DSC2: variants seen among roughly 807,000 people sequenced by gnomAD.
The protein encoded by DSC2 is desmocollin 2, also known as desmocollin-2.
Under a neutral mutation model 87.6 loss-of-function variants are expected in DSC2, and 51 were observed. The ratio of observed to expected loss-of-function variants is 0.58; its 90% confidence interval spans 0.46 to 0.74. DSC2 has a LOEUF of 0.74. Among genes scored for constraint, DSC2 ranks in the 30% least tolerant of loss-of-function variants. The pLI is 0.00. For synonymous variants in DSC2, 383 were observed against 393.2 expected, an observed-to-expected ratio of 0.97 and a Z score of 0.31; for missense variants, 1,066 against 1,089.5, an observed-to-expected ratio of 0.98 and a Z score of 0.30.
intron 9 of DSC2, among the ~76,000 whole-genome samples, 162 bp from the exon 10 acceptor site, chr18:31,080,514 C>T (rs142503302): frequency 8.6e-4 from 131 of 152,244 alleles, no homozygotes; most frequent in African/African-American, 2.7e-3. Flanking sequence ...GGCTCTGTGT[C>T]GCCACCCACA....
In DSC2 at chr18:31,068,174, A is replaced by G. The variant is rs781218250; in HGVS notation, c.2547T>C (p.His849=). 5 of 1,614,128 alleles carry G rather than the reference A, an allele frequency of 3.1e-6. No individual in the cohort carries two copies. The South Asian group carries it at 4.4e-5, about 14-fold the overall frequency. The change falls in exon 16 of 16, where the codon CAT becomes CAC. Residue 849 remains histidine, a synonymous_variant. Coordinates refer to ENST00000280904, the MANE Select transcript of DSC2 (RefSeq NM_024422.6). ...TATATGTCAGGACATAGTCTTGGGC[A>G]TGCTTGTGATTTTCATCTTGATTAC... ...YLCNQDENHK[H]AQDYVLTYNY... is the part of the protein sequence containing the mutation.
chr18:31,082,109 C>T (rs1000181717), intron 9 of DSC2, 129 bp downstream of exon 9: 7 of 801,190 alleles, frequency 8.7e-6, no homozygotes, highest in Non-Finnish European at 1.2e-5. Flanking sequence ...ATATGAAGAA[C>T]AGAGCATTTG....
intron 11 of DSC2, among the ~76,000 whole-genome samples, chr18:31,077,509 G>T (rs1987063008): frequency 6.6e-6 from 1 of 152,222 alleles, no homozygotes; most frequent in Non-Finnish European, 1.5e-5. Context: ...GATGTTTACA[G>T]TTGCTCACTG....
intron 9 of DSC2, among the ~76,000 whole-genome samples, chr18:31,081,144 T>C (rs559052685): frequency 1.4e-4 from 21 of 152,256 alleles, no homozygotes; most frequent in African/African-American, 5.1e-4. Flanking sequence ...CTAAGATGAA[T>C]AAAATTATTT....
At chr18:31,068,854 A>C in intron 15 of DSC2, 40 bp downstream of exon 15, 1 of 1,611,190 alleles carries the variant, frequency 6.2e-7, no homozygotes, top group East Asian at 2.2e-5. Flanking sequence ...AAGTTTAAAG[A>C]AAATTAAAAT....
chr18:31,068,904 CG>C lies in DSC2; in HGVS notation c.2497del (p.Arg833ValfsTer23), dbSNP rs1212051912. ...YSEWHSFTQPRLGEKVYLCNQ... is the reference protein window; with the variant it reads ...YSEWHSFTQPXLGEKVYLCNQ... ...CTTAGGAAAACTCACTTCACCAAGACGGGGCTGAGTAAAACTGTGCCACTCC... is the reference window on the plus strand; with the variant it reads ...CTTAGGAAAACTCACTTCACCAAGACGGGCTGAGTAAAACTGTGCCACTCC... On this transcript the variant is annotated frameshift_variant, in exon 15 of 16. Transcript: ENST00000280904. LOFTEE classifies it low-confidence loss of function (END_TRUNC). 1 of 1,613,328 alleles carries C rather than the reference CG, an allele frequency of 6.2e-7. No individual in the cohort carries two copies. The highest frequency in any genetic ancestry group is 8.5e-7 in the Non-Finnish European group (1 of 1,179,998).
intron 11 of DSC2, among the ~76,000 whole-genome samples, chr18:31,078,344 C>T (rs1037889212): frequency 1.3e-5 from 2 of 152,122 alleles, no homozygotes; most frequent in Non-Finnish European, 1.5e-5. Flanking sequence ...GAAATGAATG[C>T]GAACAGCCTC....
Position 31,074,895 on chromosome 18 carries a change from C to T in DSC2, c.1676G>A (p.Cys559Tyr), listed in dbSNP as rs773866217. ...AAGTATAATGCCCAGTGTCCCCGTA[C>T]ATGTTCTCCCTCCTAGAAAAATGAA... ...VLASDQGGRT[C>Y]TGTLGIILQD... Residue 559 changes from cysteine (C) to tyrosine (Y), a missense_variant, in exon 12 of 16, where the codon TGT (cysteine) becomes TAT (tyrosine). Coordinates refer to ENST00000280904, the MANE Select transcript of DSC2 (RefSeq NM_024422.6). The T allele has an allele frequency of 1.9e-6, 3 of 1,613,692 alleles. No homozygotes were observed. Among genetic ancestry groups the T allele is most frequent in the Non-Finnish European group, 2.5e-6 (3 of 1,179,816 alleles).
intron 2 of DSC2, among the ~76,000 whole-genome samples, chr18:31,092,551 T>C (rs569348921): frequency 6.6e-6 from 1 of 152,348 alleles, no homozygotes; most frequent in East Asian, 1.9e-4. Flanking sequence ...TGAGCTCCAG[T>C]GTTTGAATCT....
chr18:31,092,458 T>C (rs1010848275), intron 2 of DSC2, among the ~76,000 whole-genome samples, 158 bp from the exon 3 acceptor site: 2 of 152,216 alleles, frequency 1.3e-5, no homozygotes, highest in Admixed American at 1.3e-4. Context: ...GTGAATTAAG[T>C]TGTGCTTAAA....
chr18:31,082,568 A>G (rs1445055945), intron 8 of DSC2, 145 bp from the exon 9 acceptor site: 8 of 775,446 alleles, frequency 1.0e-5, no homozygotes, highest in Non-Finnish European at 1.7e-5. Context: ...TTTTAATGTC[A>G]CTGGGGCACT....
chr18:31,092,848 T>TA (rs1483089993), intron 2 of DSC2, among the ~76,000 whole-genome samples: 2 of 151,840 alleles, frequency 1.3e-5, no homozygotes, highest in African/African-American at 2.4e-5. Flanking sequence ...ATCTTTAAAC[T>TA]AAAAAAAACA....
rs773512868 is a variant in DSC2 at position 31,086,569 on chromosome 18, A to T, written c.942+7T>A. 1 of 1,614,106 alleles carries T rather than the reference A, an allele frequency of 6.2e-7. No homozygotes were observed. The highest frequency in any genetic ancestry group is 8.5e-7 in the Non-Finnish European group (1 of 1,179,970). On this transcript the variant is annotated splice_region_variant and intron_variant, in intron 7 of 15. Coordinates refer to ENST00000280904, the MANE Select transcript of DSC2 (RefSeq NM_024422.6). ...TTATAATCAGGTTTTATTAATGTTTATGTTACCTCTCTGTCTAGCTGAGAT... is the reference window on the plus strand; with the variant it reads ...TTATAATCAGGTTTTATTAATGTTTTTGTTACCTCTCTGTCTAGCTGAGAT...
At chr18:31,090,470 C>T (rs1054102074) in intron 4 of DSC2, among the ~76,000 whole-genome samples, 25 of 152,052 alleles carry the variant, frequency 1.6e-4, no homozygotes, top group African/African-American at 4.6e-4. Flanking sequence ...TGCCTGTAAT[C>T]CCAGCATTTT....
At chr18:31,094,047 T>C (rs1987691590) in intron 1 of DSC2, among the ~76,000 whole-genome samples, 1 of 152,154 alleles carries the variant, frequency 6.6e-6, no homozygotes, top group African/African-American at 2.4e-5. Context: ...CTTTGTTTAC[T>C]ATATTGTAAA....
At position 31,091,142 on chromosome 18, in the gene DSC2, TA is replaced by T; in HGVS notation, c.359del (p.Leu120GlnfsTer11). On this transcript the variant is annotated frameshift_variant, in exon 4 of 16. Transcript: ENST00000280904. LOFTEE classifies it high-confidence loss of function. The part of the protein sequence containing the change: ...FVFLEHQTKV[L>X]KKRHTKEKVL... ...CTTTTTCTTTAGTATGTCTTTTCTT[TA>T]GGACCTCAATTCATAAGACAGGAAA... 6.2e-7 allele frequency: 1 copy of T among 1,613,918 alleles called. No homozygotes were observed. The highest frequency in any genetic ancestry group is 2.2e-5 in the East Asian group (1 of 44,864).
intron 1 of DSC2, among the ~76,000 whole-genome samples, chr18:31,098,005 A>G (rs1259271185): frequency 1.3e-5 from 2 of 152,164 alleles, no homozygotes; most frequent in African/African-American, 4.8e-5. Context: ...CTTGACTTAC[A>G]AGAGCTCTTT....
rs1986484915 is a variant in DSC2, at chr18:31,060,757, C to G, written c.*7258G>C. On this transcript the variant is annotated 3_prime_UTR_variant, in exon 16 of 16. Coordinates refer to ENST00000280904, the MANE Select transcript of DSC2 (RefSeq NM_024422.6). ...TAAATGTTTTCTGTGTGGCTTTGTTCTGCATTCCTACCTTAAGACTATTTC... is the reference window on the plus strand; with the variant it reads ...TAAATGTTTTCTGTGTGGCTTTGTTGTGCATTCCTACCTTAAGACTATTTC... 6.6e-6 allele frequency: 1 copy of G among 152,282 alleles called. No individual in the cohort carries two copies. The highest frequency in any genetic ancestry group is 2.1e-4 in the South Asian group (1 of 4,828). The allele number at this position is 152,282 out of a possible 1,614,324, so 9.4% of individuals were successfully genotyped here.
At position 31,068,167 on chromosome 18, in the gene DSC2, CT is replaced by C. The variant is rs1374904618; in HGVS notation, c.2553del (p.Asp852ThrfsTer4). The C allele has an allele frequency of 6.2e-7, 1 of 1,614,072 alleles. No individual in the cohort carries two copies. Among genetic ancestry groups the C allele is most frequent in the African/African-American group, 1.3e-5 (1 of 75,024 alleles). On this transcript the variant is annotated frameshift_variant, in exon 16 of 16. Transcript: ENST00000280904. LOFTEE classifies it high-confidence loss of function. ...CNQDENHKHA[Q>X]DYVLTYNYEG... ...TCATAGTTATATGTCAGGACATAGT[CT>C]TGGGCATGCTTGTGATTTTCATCTT...
Sources: gnomAD v4.1 joint callset for allele counts (sites outside exome capture counted in the v4.1 genomes callset) on GRCh38, gnomAD v4.1.1 for gene constraint, MANE v1.5 for transcripts, NCBI Gene and HGNC (gene_info 2026-07-23, HGNC 2026-07-21) for gene names.